The following SOD2 variants were observed in gnomAD, a reference collection of about 807,000 sequenced individuals.
The protein encoded by SOD2 is superoxide dismutase 2, also known as superoxide dismutase [Mn], mitochondrial.
SOD2 carries 11 observed loss-of-function variants against 27.0 expected under a neutral mutation model. The ratio of observed to expected loss-of-function variants is 0.41; its 90% CI spans 0.26 to 0.67. The LOEUF is 0.67. Ranked by LOEUF, SOD2 falls within the 30% of genes least tolerant of loss-of-function variation. SOD2 has a pLI of 0.34. For synonymous variants in SOD2, 105 were observed against 103.0 expected (o/e 1.02, Z -0.12); for missense variants, 250 against 274.5 (o/e 0.91, Z 0.63).
At chr6:159,706,171 T>C (rs1777623005) in intron 1 of SOD2, among the ~76,000 whole-genome samples, 1 of 152,138 alleles carries the variant, frequency 6.6e-6, no homozygotes. Context: ...ACATGCCAAA[T>C]TGTAAAGACC....
chr6:159,759,096 G>A (rs1366940758), intron 1 of SOD2, among the ~76,000 whole-genome samples: 1 of 146,946 alleles, frequency 6.8e-6, no homozygotes, highest in African/African-American at 2.5e-5. Context: ...TTTCGCTCTT[G>A]TTGCCCAGGC....
rs1170611184 is a variant in SOD2 at position 159,672,076 on chromosome 6, G to C, written c.*10417C>G. 6.6e-6 allele frequency: 1 copy of C among 152,166 alleles called. No homozygotes were observed. Among genetic ancestry groups the C allele is most frequent in the African/African-American group, 2.4e-5 (1 of 41,448 alleles). The allele number at this position is 152,166 out of a possible 1,614,324, so 9.4% of individuals were successfully genotyped here. ...AAAAAGAAACGAACAAAGCTTCCAA[G>C]AAATATGGGACTATGTGAAAAGACC... On this transcript the variant is annotated 3_prime_UTR_variant, in exon 5 of 5. Coordinates refer to ENST00000538183, the MANE Select transcript of SOD2 (RefSeq NM_000636.4).
chr6:159,687,994 A>G, intron 3 of SOD2, 132 bp downstream of exon 3: 1 of 648,432 alleles, frequency 1.5e-6, no homozygotes. Flanking sequence ...CTGGGCAACA[A>G]GAGCAAAACT....
In SOD2 at chr6:159,679,316, T is replaced by A. The variant is rs1347684765; in HGVS notation, c.*3177A>T. The A allele has an allele frequency of 1.3e-5, 2 of 152,240 alleles. No homozygotes were observed. Among genetic ancestry groups the A allele is most frequent in the East Asian group, 3.8e-4 (2 of 5,206 alleles). 9.4% of individuals were successfully genotyped at this position (152,240 alleles called of 1,614,324 possible). ...GGGTATGACTGAAAGTGAGAAACAG[T>A]AATTTGTAAAACATTTACCTAATAA... On this transcript the variant is annotated 3_prime_UTR_variant, in exon 5 of 5. Coordinates refer to ENST00000538183, the MANE Select transcript of SOD2 (RefSeq NM_000636.4).
intron 1 of SOD2, among the ~76,000 whole-genome samples, chr6:159,724,680 T>G (rs1160108499): frequency 6.6e-6 from 1 of 151,694 alleles, no homozygotes; most frequent in African/African-American, 2.4e-5. Flanking sequence ...GCAACACAGC[T>G]CTCTACTGAA....
chr6:159,753,545 A>G (rs1779896204), intron 1 of SOD2: 7 of 1,614,216 alleles, frequency 4.3e-6, no homozygotes, highest in African/African-American at 1.3e-5. Context: ...CCAGGGACGT[A>G]TTGCACAACT....
At chr6:159,733,183 T>G (rs1778694111) in intron 1 of SOD2, among the ~76,000 whole-genome samples, 1 of 151,782 alleles carries the variant, frequency 6.6e-6, no homozygotes, top group South Asian at 2.1e-4. Flanking sequence ...AAAAAAAGAA[T>G]AATATACATT....
chr6:159,702,891 T>C (rs1777552588), intron 1 of SOD2, among the ~76,000 whole-genome samples: 1 of 147,190 alleles, frequency 6.8e-6, no homozygotes, highest in South Asian at 2.2e-4. Context: ...TGTTGTGGTA[T>C]TTGCCTATAG....
chr6:159,722,019 AAAG>A (rs758861571), intron 1 of SOD2, among the ~76,000 whole-genome samples: 1 of 152,014 alleles, frequency 6.6e-6, no homozygotes. Context: ...ATCCTATAGT[AAAG>A]AAGAGTTTTT....
chr6:159,712,603 C>G (rs1227693745), intron 1 of SOD2, among the ~76,000 whole-genome samples: 1 of 149,494 alleles, frequency 6.7e-6, no homozygotes, highest in East Asian at 2.0e-4. Context: ...TCCACAACGA[C>G]CACTCAGCTG....
chr6:159,719,825 G>T (rs2114836384), intron 1 of SOD2, among the ~76,000 whole-genome samples: 1 of 150,664 alleles, frequency 6.6e-6, no homozygotes, highest in African/African-American at 2.4e-5. Context: ...CCGGGTTCAA[G>T]AGAGTCTCCT....
intron 1 of SOD2, among the ~76,000 whole-genome samples, chr6:159,709,207 C>G (rs1458294758): frequency 6.6e-6 from 1 of 152,102 alleles, no homozygotes; most frequent in Admixed American, 6.6e-5. Context: ...TAGGCATGGG[C>G]AAGGACTTCA....
Position 159,755,765 on chromosome 6 carries a change from C to G in SOD2, c.-336+5272G>C, listed in dbSNP as rs200478998. The G allele has an allele frequency of 7.5e-5, 13 of 173,372 alleles. No homozygotes were observed. In the East Asian group the frequency reaches 2.3e-3, roughly 30 times the overall value. The allele number at this position is 173,372 out of a possible 1,614,324, so 10.7% of individuals were successfully genotyped here. ...TTTTTCTTTGTTTTTTTTTTCTTTT[C>G]TTTTTTTTTTTTTTTTTTTTTTTTT... On this transcript the variant is annotated intron_variant, in intron 1 of 7. Coordinates refer to the SOD2 transcript ENST00000546087.
rs541468310 is a variant in SOD2, at chr6:159,726,636, T to C, written c.-116+493A>G. The C allele has an allele frequency of 6.6e-5, 33 of 499,404 alleles. No individual in the cohort carries two copies. The Admixed American group carries it at 8.8e-4, about 13-fold the overall frequency. The allele number at this position is 499,404 out of a possible 1,614,324, so 30.9% of individuals were successfully genotyped here. A position where few individuals can be genotyped will look rare whatever the true frequency, so the allele number is the denominator to read the frequency against. On this transcript the variant is annotated intron_variant, in intron 1 of 2. Coordinates refer to the SOD2 transcript ENST00000401980. ...TACTCCACTTGCAGGACCTCTTTGA[T>C]TGAGTTCACTAAACCTCACAGGGCC... is the stretch of plus-strand genomic sequence containing the variant.
At chr6:159,731,106 A>G (rs1349262875), upstream of SOD2, 2 of 152,210 alleles carry the variant, frequency 1.3e-5, no homozygotes, top group African/African-American at 4.8e-5. Context: ...ATGCCCGTGC[A>G]CTCCAGCCTG....
At chr6:159,732,888 TGTGTGTGTGTGTG>T (rs1562452389) in intron 1 of SOD2, among the ~76,000 whole-genome samples, 2 of 40,052 alleles carry the variant, frequency 5.0e-5, no homozygotes, top group African/African-American at 1.1e-4. Context: ...ATATATATAG[TGTGTGTGTGTGTG>T]TGTGTGTGTG....
At chr6:159,695,626 C>T (rs1330625841), upstream of SOD2, among the ~76,000 whole-genome samples, 1 of 152,176 alleles carries the variant, frequency 6.6e-6, no homozygotes, top group Non-Finnish European at 1.5e-5. Context: ...TCCCAAGAAG[C>T]TGGAACTACA....
chr6:159,730,754 TG>T (rs1778515378), upstream of SOD2: 1 of 152,224 alleles, frequency 6.6e-6, no homozygotes, highest in Non-Finnish European at 1.5e-5. Context: ...AAAGTGACTC[TG>T]AGAGTTGACT....
In SOD2 at chr6:159,682,661, A is replaced by C. The variant is rs767948578; in HGVS notation, c.524-23T>G. ...GGCCTGTTAGAAAGAAGGGGAAAAC[A>C]AACCAACCATCAGTTTCAGTCTAAA... is the stretch of plus-strand genomic sequence containing the variant. On this transcript the variant is annotated intron_variant, in intron 4 of 4. Transcript: ENST00000538183. 22 of 1,595,270 alleles carry C rather than the reference A, an allele frequency of 1.4e-5. No homozygotes were observed. The African/African-American group carries it at 1.8e-4, about 13-fold the overall frequency.
Sources: allele counts gnomAD v4.1 joint callset (sites outside exome capture counted in the v4.1 genomes callset), GRCh38; gene constraint gnomAD v4.1.1; transcripts MANE v1.5; gene names NCBI Gene and HGNC (gene_info 2026-07-23, HGNC 2026-07-21).